Variants in FAM47E observed in about 807,000 individuals in gnomAD.
The protein encoded by FAM47E is protein FAM47E.
FAM47E carries 32 observed loss-of-function variants against 41.6 expected under a neutral mutation model. The ratio of observed to expected loss-of-function variants is 0.77; its 90% CI spans 0.58 to 1.03. The LOEUF is 1.03. Ranked by LOEUF, FAM47E falls within the 50% of genes least tolerant of loss-of-function variation. The pLI, the probability that FAM47E is intolerant of heterozygous loss-of-function variation, is 0.00. For missense variants in FAM47E, 424 were observed against 485.4 expected (o/e 0.87, Z 1.19); for synonymous variants, 184 against 188.7 (o/e 0.98, Z 0.20).
chr4:76,235,916 C>G (rs560938435), intron 2 of FAM47E, among the ~76,000 whole-genome samples: 1 of 152,178 alleles, frequency 6.6e-6, no homozygotes, highest in Admixed American at 6.5e-5. Flanking sequence ...AGATGGGACA[C>G]CAAGGCACAG....
At chr4:76,253,803 C>T (rs114597706) in intron 1 of FAM47E, among the ~76,000 whole-genome samples, 1 of 84,902 alleles carries the variant, frequency 1.2e-5, no homozygotes, top group East Asian at 2.5e-4. Flanking sequence ...AACCCTGTCT[C>T]GAATTAAAAA....
intron 2 of FAM47E, among the ~76,000 whole-genome samples, chr4:76,234,951 A>G (rs1053126342): frequency 2.0e-5 from 3 of 152,296 alleles, no homozygotes; most frequent in South Asian, 2.1e-4. Context: ...CCTGATTTAA[A>G]TAGTAAAATT....
At chr4:76,268,506 C>T (rs1734739727) in intron 3 of FAM47E, 154 bp from the exon 4 acceptor site, 2 of 685,426 alleles carry the variant, frequency 2.9e-6, no homozygotes, top group Non-Finnish European at 4.7e-6. Context: ...TGAGAATGTG[C>T]TCTTTGAAAA....
At chr4:76,253,301 C>T (rs983725833) in intron 1 of FAM47E, among the ~76,000 whole-genome samples, 1 of 152,112 alleles carries the variant, frequency 6.6e-6, no homozygotes, top group Non-Finnish European at 1.5e-5. Context: ...TTTGGACATT[C>T]CAGTTTTGGG....
rs79702586 is a variant in FAM47E, at chr4:76,267,124, C to T, written c.561-1536C>T. ...TATTCAGTTGTATACTCTATGAGGA[C>T]AGGGGCTTAAGTTTATTTACAGTTC... On this transcript the variant is annotated intron_variant, in intron 3 of 7. Coordinates refer to ENST00000424749, the MANE Select transcript of FAM47E (RefSeq NM_001136570.3). Among the ~76,000 whole-genome samples, 146 of 152,282 alleles carry T rather than the reference C, an allele frequency of 9.6e-4. 1 individual carries two copies. The East Asian group carries it at 0.014, about 15-fold the overall frequency.
intron 4 of FAM47E, chr4:76,269,095 AC>A (rs1734773325): frequency 3.9e-6 from 1 of 256,252 alleles, no homozygotes; most frequent in African/African-American, 2.3e-5. Flanking sequence ...TCTCTCTTTC[AC>A]TCCTTCAACT....
chr4:76,220,131 A>G (rs978158060), intron 2 of FAM47E, among the ~76,000 whole-genome samples: 4 of 152,224 alleles, frequency 2.6e-5, no homozygotes, highest in African/African-American at 9.6e-5. Flanking sequence ...CAGAATTATC[A>G]TATGACCTAG....
exon 1 of FAM47E, chr4:76,214,048 G>A: frequency 3.0e-6 from 1 of 330,360 alleles, no homozygotes; most frequent in Non-Finnish European, 5.9e-6. Flanking sequence ...CCAGCGCCCT[G>A]CACCGCAGGC....
chr4:76,265,242 A>G (rs910420127), intron 3 of FAM47E, among the ~76,000 whole-genome samples: 2 of 152,154 alleles, frequency 1.3e-5, no homozygotes, highest in African/African-American at 4.8e-5. Flanking sequence ...ATGAGGAGCA[A>G]GATGGCCCAT....
chr4:76,226,642 G>A (rs2136054), intron 2 of FAM47E, among the ~76,000 whole-genome samples: 138,425 of 152,194 alleles, frequency 0.91, 64,338 homozygotes, highest in East Asian at 1. Context: ...ACTCTTCTAC[G>A]TTATGTCAGA....
chr4:76,270,475 A>G (rs978195433), intron 4 of FAM47E, among the ~76,000 whole-genome samples: 2 of 152,186 alleles, frequency 1.3e-5, no homozygotes, highest in African/African-American at 4.8e-5. Flanking sequence ...AGTGACGGAC[A>G]GAGACTCCTC....
chr4:76,246,119 C>G (rs1039256753), intron 2 of FAM47E, among the ~76,000 whole-genome samples: 2 of 152,166 alleles, frequency 1.3e-5, no homozygotes, highest in African/African-American at 2.4e-5. Context: ...AGAAGGTTGA[C>G]AGTAAGCTGG....
chr4:76,274,083 T>A (rs550056296), intron 5 of FAM47E, among the ~76,000 whole-genome samples: 1 of 152,364 alleles, frequency 6.6e-6, no homozygotes, highest in East Asian at 1.9e-4. Context: ...CAGTTTCCAC[T>A]AGGTGATTTG....
intron 6 of FAM47E, chr4:76,278,621 T>A: frequency 4.3e-6 from 1 of 232,760 alleles, no homozygotes; most frequent in Non-Finnish European, 8.2e-6. Flanking sequence ...CAGCTATGGG[T>A]GAATGTCAAA....
rs72858588 is a variant in FAM47E, at chr4:76,245,785, T to C, written c.82-17919T>C. Among the ~76,000 whole-genome samples the C allele has an allele frequency of 4.0e-3, 610 of 152,284 alleles. 9 individuals are homozygous for C. The highest frequency in any genetic ancestry group is 0.014 in the African/African-American group (580 of 41,534). On this transcript the variant is annotated intron_variant, in intron 2 of 7. Coordinates refer to the FAM47E transcript ENST00000510197. Reference sequence around the variant, plus strand: ...AGTGGAGGTACAGATCTCCACTATCTTCCTTTAAGTGTGTCTAGCCTATTG... The same window carrying C: ...AGTGGAGGTACAGATCTCCACTATCCTCCTTTAAGTGTGTCTAGCCTATTG...
intron 2 of FAM47E, among the ~76,000 whole-genome samples, chr4:76,261,232 A>G (rs1002229920): frequency 6.6e-6 from 1 of 152,222 alleles, no homozygotes; most frequent in Non-Finnish European, 1.5e-5. Context: ...ATGAGACTGT[A>G]AGTTAGCTCA....
chr4:76,280,298 C>T lies in FAM47E; in HGVS notation c.1061C>T (p.Ala354Val), dbSNP rs1160840506. Residue 354 changes from alanine (A) to valine (V), a missense_variant, in exon 7 of 8, where the codon GCC (alanine) becomes GTC (valine). Transcript: ENST00000424749. Reference sequence around the variant, plus strand: ...CTTGCAGACCTTCACGGAACAGTTGCCTTTAAGGATTTCATTCTAAGCAGG... The same window carrying T: ...CTTGCAGACCTTCACGGAACAGTTGTCTTTAAGGATTTCATTCTAAGCAGG... ...ELLADLHGTV[A>V]FKDFILSRGY... 6.4e-7 allele frequency: 1 copy of T among 1,550,650 alleles called. No homozygotes were observed. Among genetic ancestry groups the T allele is most frequent in the Non-Finnish European group, 8.7e-7 (1 of 1,146,230 alleles).
chr4:76,256,280 C>A lies in FAM47E; in HGVS notation c.177C>A (p.Cys59Ter), dbSNP rs1264906071. Residue 59 changes from cysteine (C) to a stop codon, truncating the protein, a stop_gained, in exon 2 of 8, where the codon TGC becomes TGA. Coordinates refer to ENST00000424749, the MANE Select transcript of FAM47E (RefSeq NM_001136570.3). LOFTEE classifies it high-confidence loss of function. ...RKGLDDFRKG[C>*]PPCTGLVTQV... ...GGCTGGACGACTTCAGGAAGGGCTG[C>A]CCGCCTTGCACTGGTCTGGTGACTC... The A allele has an allele frequency of 6.4e-7, 1 of 1,551,596 alleles. No homozygotes were observed. Among genetic ancestry groups the A allele is most frequent in the Non-Finnish European group, 8.7e-7 (1 of 1,147,016 alleles).
chr4:76,261,642 A>G (rs1246983954), intron 2 of FAM47E, among the ~76,000 whole-genome samples: 1 of 152,148 alleles, frequency 6.6e-6, no homozygotes, highest in African/African-American at 2.4e-5. Context: ...GGTCATAAAG[A>G]TGGAGATAAT....
Sources: gnomAD v4.1 joint callset for allele counts (sites outside exome capture counted in the v4.1 genomes callset) on GRCh38, gnomAD v4.1.1 for gene constraint, MANE v1.5 for transcripts, NCBI Gene and HGNC (gene_info 2026-07-23, HGNC 2026-07-21) for gene names.